MYCBP2: variants seen among roughly 807,000 people sequenced by gnomAD.
The protein encoded by MYCBP2 is MYC binding protein 2.
In MYCBP2, 120 loss-of-function variants were observed where a neutral mutation model predicts 525.3. The observed-to-expected ratio is 0.23, with a 90% CI of 0.20 to 0.27. The LOEUF is 0.27. MYCBP2 is among the 10% of genes least tolerant of loss of function. The pLI, the probability that MYCBP2 is intolerant of heterozygous loss-of-function variation, is 1.00. For synonymous variants in MYCBP2, 1,894 were observed against 1,955.8 expected (o/e 0.97, Z 0.83); for missense variants, 4,149 against 5,657.1 (o/e 0.73, Z 8.55).
chr13:77,120,397 C>G (rs1188517821), intron 55 of MYCBP2, among the ~76,000 whole-genome samples: 1 of 152,054 alleles, frequency 6.6e-6, no homozygotes, highest in Admixed American at 6.6e-5. Context: ...TGAAGCTATT[C>G]AATAGAAGTA....
At chr13:77,132,783 C>T (rs1292507898) in intron 52 of MYCBP2, among the ~76,000 whole-genome samples, 2 of 152,092 alleles carry the variant, frequency 1.3e-5, no homozygotes. Flanking sequence ...AAAAATTAAG[C>T]TTGTGATTCC....
rs2040574380 is a variant in MYCBP2 at position 77,068,483 on chromosome 13, T to C, written c.12171+82A>G. ...AATAAAAATCTATACTTAGGGTCCT[T>C]AGATAATTCTCTTTGCATTGCAACT... On this transcript the variant is annotated intron_variant, in intron 70 of 82. Coordinates refer to ENST00000544440, the MANE Select transcript of MYCBP2 (RefSeq NM_015057.5). The C allele has an allele frequency of 7.3e-6, 11 of 1,497,842 alleles. No individual in the cohort carries two copies. In the South Asian group the frequency reaches 1.0e-4, roughly 14 times the overall value. 92.8% of individuals were successfully genotyped at this position (1,497,842 alleles called of 1,614,324 possible).
chr13:77,068,878 A>G (rs750525627), intron 69 of MYCBP2, 47 bp from the exon 70 acceptor site: 4 of 1,565,708 alleles, frequency 2.6e-6, no homozygotes, highest in East Asian at 2.2e-5. Context: ...GGTTAGTTTG[A>G]TTTACTACTC....
At chr13:77,135,529 A>T (rs549225450) in intron 52 of MYCBP2, among the ~76,000 whole-genome samples, 1 of 152,282 alleles carries the variant, frequency 6.6e-6, no homozygotes, top group East Asian at 1.9e-4. Context: ...CCTACAGAAA[A>T]TCATACCTGT....
chr13:77,181,590 C>T (rs187238618), intron 33 of MYCBP2, 111 bp downstream of exon 33: 18 of 658,774 alleles, frequency 2.7e-5, no homozygotes, highest in Non-Finnish European at 4.3e-5. Flanking sequence ...AAGCTAAATA[C>T]GCTTAGCTTG....
intron 46 of MYCBP2, among the ~76,000 whole-genome samples, chr13:77,155,530 T>C (rs1038984479): frequency 6.6e-6 from 1 of 152,162 alleles, no homozygotes; most frequent in African/African-American, 2.4e-5. Context: ...AACATTATTA[T>C]TAATATTTCA....
intron 17 of MYCBP2, among the ~76,000 whole-genome samples, chr13:77,240,214 A>G (rs1423673293): frequency 6.6e-6 from 1 of 152,226 alleles, no homozygotes; most frequent in East Asian, 1.9e-4. Context: ...TACTTAATAC[A>G]GTATAAGGAT....
chr13:77,220,948 G>A (rs2065462712), intron 20 of MYCBP2, among the ~76,000 whole-genome samples: 1 of 152,122 alleles, frequency 6.6e-6, no homozygotes, highest in South Asian at 2.1e-4. Context: ...ACCACTCAAT[G>A]GAACAAGGAC....
At chr13:77,188,914 G>T (rs761534005) in intron 30 of MYCBP2, 37 bp downstream of exon 30, 49 of 1,459,484 alleles carry the variant, frequency 3.4e-5, no homozygotes, top group Non-Finnish European at 5.6e-6. Context: ...TCTGAGGACT[G>T]AAGAGAAAAG....
At position 77,156,175 on chromosome 13, in the gene MYCBP2, A is replaced by G; in HGVS notation, c.6798T>C (p.Asp2266=). Residue 2266 remains aspartate (D), a synonymous_variant, in exon 46 of 83, where the codon GAT becomes GAC. Coordinates refer to ENST00000544440, the MANE Select transcript of MYCBP2 (RefSeq NM_015057.5). ...ARWLQPDSYA[D]PQKTSLILNK... ...TCAGGATCAAAGATGTTTTCTGAGGATCCGCATATGAATCTGGCTGAAGCC... is the reference window on the plus strand; with the variant it reads ...TCAGGATCAAAGATGTTTTCTGAGGGTCCGCATATGAATCTGGCTGAAGCC... 6.2e-7 allele frequency: 1 copy of G among 1,613,872 alleles called. No individual in the cohort carries two copies. The highest frequency in any genetic ancestry group is 8.5e-7 in the Non-Finnish European group (1 of 1,179,858).
At position 77,081,812 on chromosome 13, in the gene MYCBP2, C is replaced by G; in HGVS notation, c.11193+25G>C. On this transcript the variant is annotated intron_variant, in intron 64 of 82. Coordinates refer to ENST00000544440, the MANE Select transcript of MYCBP2 (RefSeq NM_015057.5). The surrounding 1 kb of genome is among the most constrained non-coding windows in gnomAD (Gnocchi z 4.6). The stretch of plus-strand genomic sequence containing the variant: ...ATGTATTATTAACTAACAGGACAAC[C>G]AGGATAATAACTGAAATGACTGACC... 6.2e-7 allele frequency: 1 copy of G among 1,600,274 alleles called. No homozygotes were observed.
chr13:77,081,742 A>C lies in MYCBP2; in HGVS notation c.11194-91T>G. ...CAGGTATAAGATAAAACATAATGGAAGACAGGATCAAATTGATTATGAATA... is the reference window on the plus strand; with the variant it reads ...CAGGTATAAGATAAAACATAATGGACGACAGGATCAAATTGATTATGAATA... On this transcript the variant is annotated intron_variant, in intron 64 of 82. Transcript: ENST00000544440. This position sits in a 1 kb window ranked among gnomAD's most constrained non-coding sequence, Gnocchi z 4.6. The C allele has an allele frequency of 1.3e-6, 2 of 1,532,300 alleles. No individual in the cohort carries two copies. Among genetic ancestry groups the C allele is most frequent in the Non-Finnish European group, 1.8e-6 (2 of 1,135,680 alleles). The allele number at this position is 1,532,300 out of a possible 1,614,324, so 94.9% of individuals were successfully genotyped here. A position where few individuals can be genotyped will look rare whatever the true frequency, so the allele number is the denominator to read the frequency against.
chr13:77,165,794 G>C (rs1410013311), intron 41 of MYCBP2, among the ~76,000 whole-genome samples: 1 of 152,102 alleles, frequency 6.6e-6, no homozygotes, highest in African/African-American at 2.4e-5. Flanking sequence ...CAAATAGGCA[G>C]GTCAGAGTGG....
chr13:77,252,222 GCCAGTAAATAATT>G (rs752380640), intron 14 of MYCBP2, among the ~76,000 whole-genome samples: 1 of 152,132 alleles, frequency 6.6e-6, no homozygotes, highest in Non-Finnish European at 1.5e-5. Flanking sequence ...TTTATAAAGA[GCCAGTAAATAATT>G]TAGGCTCTGT....
At chr13:77,125,749 C>T (rs2051541088) in intron 53 of MYCBP2, among the ~76,000 whole-genome samples, 1 of 152,160 alleles carries the variant, frequency 6.6e-6, no homozygotes, top group Non-Finnish European at 1.5e-5. Flanking sequence ...ACACATGGCT[C>T]ATTTTCTTTT....
At chr13:77,218,928 T>C (rs1392035857) in intron 20 of MYCBP2, among the ~76,000 whole-genome samples, 1 of 152,144 alleles carries the variant, frequency 6.6e-6, no homozygotes. Context: ...CTAGGAGCAG[T>C]GCAGAGTGAA....
At chr13:77,205,420 T>A in intron 25 of MYCBP2, 37 bp from the exon 26 acceptor site, 1 of 1,612,056 alleles carries the variant, frequency 6.2e-7, no homozygotes, top group African/African-American at 1.3e-5. Context: ...TTTTAAAAGA[T>A]CCATATATAT....
Position 77,185,329 on chromosome 13 carries a change from A to T in MYCBP2, c.4493T>A (p.Ile1498Asn). The change falls in exon 32 of 83, where the codon ATT (isoleucine) becomes AAT (asparagine). Residue 1498 changes from isoleucine to asparagine, a missense_variant. Ile to Asn is a moderately radical substitution (Grantham distance 149). Around this residue, in one of 21 missense-constraint regions of MYCBP2, gnomAD observed 292 missense variants for 330.5 expected, o/e 0.88. Transcript: ENST00000544440. The stretch of plus-strand genomic sequence containing the variant: ...TCTTAACAAAGTTCTGGTTTTTCCA[A>T]TACACTCTGCTAATTTGCTAGTTTC... The part of the protein sequence containing the change: ...VEETSKLAEC[I>N]GKTRTLLRKI... The T allele has an allele frequency of 6.2e-7, 1 of 1,613,978 alleles. No individual in the cohort carries two copies. The highest frequency in any genetic ancestry group is 8.5e-7 in the Non-Finnish European group (1 of 1,179,976).
chr13:77,072,300 GAAAAAAA>G (rs56238720), intron 68 of MYCBP2, among the ~76,000 whole-genome samples: 1 of 121,192 alleles, frequency 8.3e-6, no homozygotes, highest in Non-Finnish European at 1.7e-5. Context: ...CAAAAAAAAA[GAAAAAAA>G]AAAAAAAAAA....
Sources: allele counts gnomAD v4.1 joint callset (sites outside exome capture counted in the v4.1 genomes callset), GRCh38; gene constraint gnomAD v4.1.1; regional missense constraint gnomAD v4.1.1; non-coding constraint Gnocchi (gnomAD v3.1); transcripts MANE v1.5; gene names NCBI Gene and HGNC (gene_info 2026-07-23, HGNC 2026-07-21).